Variants in DLG2 observed in about 807,000 individuals in gnomAD.
The protein encoded by DLG2 is discs large MAGUK scaffold protein 2.
DLG2 carries 45 observed loss-of-function variants against 132.5 expected under a neutral mutation model. That is an observed-to-expected ratio of 0.34 (90% CI 0.27 to 0.44). The LOEUF (loss-of-function observed/expected upper bound fraction) is 0.44, where lower values mean the gene tolerates loss of function less well. Ranked by LOEUF, DLG2 falls within the 20% of genes least tolerant of loss-of-function variation. The probability of loss-of-function intolerance (pLI) is 1.00; values close to 1 mark genes in which losing one functional copy is unlikely to be tolerated. For missense variants in DLG2, 1,045 were observed against 1,196.9 expected, an observed-to-expected ratio of 0.87 and a Z score of 1.87; for synonymous variants, 424 against 419.6, an observed-to-expected ratio of 1.01 and a Z score of -0.13.
chr11:83,812,146 C>T (rs1341920697), intron 17 of DLG2, among the ~76,000 whole-genome samples: 2 of 152,092 alleles, frequency 1.3e-5, no homozygotes, highest in South Asian at 4.1e-4. Flanking sequence ...ATGCTGCCAC[C>T]CTTGCCTTGG....
At chr11:84,120,943 T>C (rs1321467520) in intron 9 of DLG2, among the ~76,000 whole-genome samples, 1 of 152,240 alleles carries the variant, frequency 6.6e-6, no homozygotes, top group African/African-American at 2.4e-5. Flanking sequence ...TATATAAACA[T>C]GCACATAAAA....
chr11:85,141,906 T>A (rs1257639182), intron 5 of DLG2, among the ~76,000 whole-genome samples: 1 of 151,956 alleles, frequency 6.6e-6, no homozygotes, highest in Non-Finnish European at 1.5e-5. Context: ...TCTGTTCCAT[T>A]GATCTATGTG....
At chr11:84,859,130 C>A (rs1190088003) in intron 6 of DLG2, among the ~76,000 whole-genome samples, 1 of 151,746 alleles carries the variant, frequency 6.6e-6, no homozygotes, top group Non-Finnish European at 1.5e-5. Flanking sequence ...TAGCATAATT[C>A]TTGCAACCTA....
intron 7 of DLG2, among the ~76,000 whole-genome samples, chr11:84,451,095 T>C (rs1602359442): frequency 1.3e-5 from 2 of 151,674 alleles, no homozygotes; most frequent in East Asian, 1.9e-4. Context: ...GAAAAAAAAG[T>C]CAAGCAGCTA....
intron 3 of DLG2, among the ~76,000 whole-genome samples, chr11:85,508,113 T>A (rs2093977006): frequency 1.3e-5 from 2 of 152,156 alleles, no homozygotes; most frequent in African/African-American, 2.4e-5. Context: ...CATCTAATCT[T>A]CTTTCAAGGT....
chr11:84,454,900 CTT>C (rs1181938189), intron 7 of DLG2, among the ~76,000 whole-genome samples: 2 of 151,340 alleles, frequency 1.3e-5, no homozygotes, highest in African/African-American at 4.8e-5. Flanking sequence ...TATTCATTCT[CTT>C]GTTTGTGGTG....
intron 6 of DLG2, among the ~76,000 whole-genome samples, chr11:84,657,667 C>A (rs565880047): frequency 6.6e-6 from 1 of 152,094 alleles, no homozygotes; most frequent in African/African-American, 2.4e-5. Context: ...AATCTAATGC[C>A]GTTGTTAATC....
chr11:85,367,560 T>C (rs286048), intron 3 of DLG2, among the ~76,000 whole-genome samples: 115,601 of 152,026 alleles, frequency 0.76, 44,604 homozygotes, highest in Middle Eastern at 0.85. Context: ...GCTTAATCAA[T>C]ATTACATGTT....
intron 7 of DLG2, among the ~76,000 whole-genome samples, chr11:84,252,189 G>A (rs1295244599): frequency 1.8e-5 from 2 of 108,878 alleles, no homozygotes; most frequent in Admixed American, 1.4e-4. Context: ...TTCCTCTGTC[G>A]CCCATGCTGG....
chr11:85,384,957 T>G (rs1158707680), intron 3 of DLG2, among the ~76,000 whole-genome samples: 1 of 152,208 alleles, frequency 6.6e-6, no homozygotes, highest in Non-Finnish European at 1.5e-5. Context: ...CAGGATTAAA[T>G]GAGAAAAAAT....
intron 16 of DLG2, among the ~76,000 whole-genome samples, chr11:83,842,521 CTCA>C (rs1202208428): frequency 5.1e-5 from 3 of 58,304 alleles, no homozygotes; most frequent in African/African-American, 2.1e-4. Flanking sequence ...TTGAACCTGT[CTCA>C]AAAAAAAAAA....
chr11:83,469,065 G>A (rs2091624135), intron 25 of DLG2, 136 bp downstream of exon 25: 1 of 675,970 alleles, frequency 1.5e-6, no homozygotes, highest in Non-Finnish European at 2.5e-6. Context: ...GTGATTCTCT[G>A]CTTGGATGTT....
At chr11:84,427,940 T>C (rs185853618) in intron 7 of DLG2, among the ~76,000 whole-genome samples, 2 of 152,202 alleles carry the variant, frequency 1.3e-5, no homozygotes, top group Non-Finnish European at 2.9e-5. Context: ...AATGGTATGA[T>C]AGGGAAAATC....
intron 6 of DLG2, among the ~76,000 whole-genome samples, chr11:84,983,555 A>G (rs1201387076): frequency 6.6e-6 from 1 of 152,182 alleles, no homozygotes; most frequent in Non-Finnish European, 1.5e-5. Flanking sequence ...AGGAACCAGG[A>G]AAACAACTCT....
intron 8 of DLG2, 29 bp downstream of exon 8, chr11:84,251,209 A>T (rs761275417): frequency 4.8e-6 from 7 of 1,452,952 alleles, no homozygotes; most frequent in Non-Finnish European, 4.7e-6. Context: ...ACAGTTTTAA[A>T]AGAAGGTAGT....
chr11:83,699,148 G>A (rs143341484), intron 18 of DLG2, among the ~76,000 whole-genome samples: 2 of 152,304 alleles, frequency 1.3e-5, no homozygotes, highest in African/African-American at 4.8e-5. Context: ...AATAAAGGCA[G>A]ATAGGAGCAT....
intron 5 of DLG2, among the ~76,000 whole-genome samples, chr11:85,111,945 T>C (rs1005734611): frequency 1.3e-5 from 2 of 152,094 alleles, no homozygotes; most frequent in African/African-American, 4.8e-5. Flanking sequence ...TTTTTGTTAC[T>C]CTAAGGACTA....
intron 7 of DLG2, among the ~76,000 whole-genome samples, chr11:84,395,344 G>A (rs979002003): frequency 2.0e-5 from 3 of 152,028 alleles, no homozygotes; most frequent in African/African-American, 7.2e-5. Context: ...TGCAAATGCT[G>A]TCAGGGCAGA....
intron 3 of DLG2, among the ~76,000 whole-genome samples, chr11:85,589,984 A>T (rs1051587623): frequency 2.6e-5 from 4 of 152,170 alleles, no homozygotes; most frequent in African/African-American, 9.7e-5. Flanking sequence ...TATGAATTTG[A>T]TCAGCTCAAG....
Sources: gnomAD v4.1 joint callset for allele counts (sites outside exome capture counted in the v4.1 genomes callset) on GRCh38, gnomAD v4.1.1 for gene constraint, MANE v1.5 for transcripts, NCBI Gene and HGNC (gene_info 2026-07-23, HGNC 2026-07-21) for gene names.